GNAQ: variants seen among roughly 807,000 people sequenced by gnomAD.
GNAQ encodes guanine nucleotide-binding protein G(q) subunit alpha.
Under a neutral mutation model 43.9 loss-of-function variants are expected in GNAQ, and 8 were observed. That is an observed-to-expected ratio of 0.18 (90% CI 0.11 to 0.33). The LOEUF is 0.33. Ranked by LOEUF, GNAQ falls within the 10% of genes least tolerant of loss-of-function variation. The pLI is 1.00. For synonymous variants in GNAQ, 155 were observed against 170.7 expected (o/e 0.91, Z 0.71); for missense variants, 158 against 450.8 (o/e 0.35, Z 5.88).
intron 1 of GNAQ, among the ~76,000 whole-genome samples, chr9:77,969,577 A>G (rs960883320): frequency 9.9e-5 from 15 of 152,234 alleles, no homozygotes; most frequent in South Asian, 6.2e-4. Flanking sequence ...TATGTTTTAT[A>G]TAAGTACATA....
chr9:77,729,090 A>C (rs1051657821), intron 5 of GNAQ, among the ~76,000 whole-genome samples: 2 of 94,956 alleles, frequency 2.1e-5, no homozygotes, highest in Non-Finnish European at 6.1e-5. Context: ...GGGGCCTCAC[A>C]ATTAACTCTA....
intron 1 of GNAQ, among the ~76,000 whole-genome samples, chr9:77,972,073 T>C (rs1409494741): frequency 6.6e-6 from 1 of 152,122 alleles, no homozygotes; most frequent in African/African-American, 2.4e-5. Flanking sequence ...TGGGGTTTTC[T>C]AAATGTACAA....
chr9:77,779,683 A>C (rs1378962703), intron 5 of GNAQ, among the ~76,000 whole-genome samples: 2 of 20,500 alleles, frequency 9.8e-5, no homozygotes, highest in Admixed American at 2.3e-3. Flanking sequence ...AACAAAACAA[A>C]AAAAAAAAAA....
At chr9:77,943,833 A>T (rs1019115797) in intron 1 of GNAQ, among the ~76,000 whole-genome samples, 4 of 151,782 alleles carry the variant, frequency 2.6e-5, no homozygotes, top group Non-Finnish European at 5.9e-5. Context: ...CGCCTGGCTA[A>T]TTGTTGTATT....
At chr9:77,948,445 C>T (rs1344222303) in intron 1 of GNAQ, among the ~76,000 whole-genome samples, 1 of 152,024 alleles carries the variant, frequency 6.6e-6, no homozygotes, top group Non-Finnish European at 1.5e-5. Context: ...TGAGGCCTGA[C>T]ACGGGACTAC....
chr9:77,905,344 G>A (rs1828688078), intron 2 of GNAQ, among the ~76,000 whole-genome samples: 1 of 152,136 alleles, frequency 6.6e-6, no homozygotes, highest in African/African-American at 2.4e-5. Flanking sequence ...TCAGAGCTGG[G>A]CTACCTTTCT....
intron 1 of GNAQ, among the ~76,000 whole-genome samples, chr9:77,975,760 T>C (rs1823293638): frequency 6.8e-6 from 1 of 146,724 alleles, no homozygotes; most frequent in Non-Finnish European, 1.5e-5. Flanking sequence ...GGATGGTTGA[T>C]CTCTTGACCT....
chr9:77,862,929 A>T (rs944555334), intron 2 of GNAQ, among the ~76,000 whole-genome samples: 2 of 152,206 alleles, frequency 1.3e-5, no homozygotes, highest in Non-Finnish European at 2.9e-5. Flanking sequence ...CTGTAATCCC[A>T]GCACTTTGGG....
chr9:77,763,125 T>TAAACAAAC (rs533634291), intron 5 of GNAQ, among the ~76,000 whole-genome samples: 64 of 133,956 alleles, frequency 4.8e-4, no homozygotes, highest in African/African-American at 1.8e-3. Flanking sequence ...AACAAAAAAA[T>TAAACAAAC]AAACAAACAA....
chr9:78,025,842 T>C (rs1823972793), intron 1 of GNAQ, among the ~76,000 whole-genome samples: 1 of 152,200 alleles, frequency 6.6e-6, no homozygotes, highest in Non-Finnish European at 1.5e-5. Flanking sequence ...AAACCTTCCT[T>C]AGAGAATCTT....
chr9:77,783,596 C>T (rs1042234857), intron 5 of GNAQ, among the ~76,000 whole-genome samples: 8 of 152,184 alleles, frequency 5.3e-5, no homozygotes, highest in Admixed American at 5.2e-4. Context: ...GCTGCTCTGA[C>T]CTTGCTGCTG....
chr9:77,749,545 TA>T (rs1343953197), intron 5 of GNAQ, among the ~76,000 whole-genome samples: 1 of 152,234 alleles, frequency 6.6e-6, no homozygotes, highest in Non-Finnish European at 1.5e-5. Flanking sequence ...AATAATATAC[TA>T]AATGCATATA....
chr9:77,987,082 C>G (rs1379706106), intron 1 of GNAQ, among the ~76,000 whole-genome samples: 3 of 152,144 alleles, frequency 2.0e-5, no homozygotes, highest in Non-Finnish European at 4.4e-5. Context: ...TCAGTCTGGT[C>G]TGGCATTTGA....
chr9:77,908,461 CCAAA>C (rs1828747660), intron 2 of GNAQ, among the ~76,000 whole-genome samples: 1 of 152,126 alleles, frequency 6.6e-6, no homozygotes. Context: ...TGCACTTTCC[CCAAA>C]CAGATATACA....
chr9:77,806,171 T>A (rs147193643), intron 3 of GNAQ, among the ~76,000 whole-genome samples: 245 of 152,194 alleles, frequency 1.6e-3, no homozygotes, highest in African/African-American at 5.5e-3. Context: ...AAGAAGGAAG[T>A]CTTTTTCAAT....
At chr9:77,785,177 C>T (rs560789642) in intron 5 of GNAQ, among the ~76,000 whole-genome samples, 38 of 152,180 alleles carry the variant, frequency 2.5e-4, no homozygotes, top group African/African-American at 8.4e-4. Context: ...TAAATCTCAC[C>T]CACACTTGTA....
At chr9:77,847,078 T>C (rs1161869545) in intron 2 of GNAQ, among the ~76,000 whole-genome samples, 1 of 152,182 alleles carries the variant, frequency 6.6e-6, no homozygotes, top group Non-Finnish European at 1.5e-5. Flanking sequence ...TAGAAGGTGT[T>C]TGCCTTACTA....
At chr9:77,734,989 C>G (rs1446790226) in intron 5 of GNAQ, among the ~76,000 whole-genome samples, 7 of 152,068 alleles carry the variant, frequency 4.6e-5, no homozygotes, top group Admixed American at 2.6e-4. Context: ...ATTTTTATAC[C>G]AAGTAGCTCA....
At chr9:77,792,458 A>T (rs1172980778) in intron 5 of GNAQ, among the ~76,000 whole-genome samples, 1 of 152,118 alleles carries the variant, frequency 6.6e-6, no homozygotes, top group Non-Finnish European at 1.5e-5. Context: ...ATGCCATTTT[A>T]TTCTAATTAA....
Sources: gnomAD v4.1 joint callset for allele counts (sites outside exome capture counted in the v4.1 genomes callset) on GRCh38, gnomAD v4.1.1 for gene constraint, MANE v1.5 for transcripts, NCBI Gene and HGNC (gene_info 2026-07-23, HGNC 2026-07-21) for gene names.